The following MCF2 variants were observed in gnomAD, a reference collection of about 807,000 sequenced individuals.
MCF2 encodes MCF.2 cell line derived transforming sequence, also known as proto-oncogene DBL.
A neutral mutation model predicts 82.5 loss-of-function variants in MCF2; 44 were observed. The ratio of observed to expected loss-of-function variants is 0.53; its 90% CI spans 0.42 to 0.69. The LOEUF (loss-of-function observed/expected upper bound fraction) is 0.69. Among genes scored for constraint, MCF2 ranks in the 30% least tolerant of loss-of-function variants. The pLI is 0.00. For missense variants in MCF2, 623 were observed against 663.1 expected (o/e 0.94, Z 0.66); for synonymous variants, 217 against 224.9 (o/e 0.96, Z 0.32).
chrX:139,651,456 G>A (rs1379100463), intron 2 of MCF2, among the ~76,000 whole-genome samples: 1 of 111,150 alleles, frequency 9.0e-6, no homozygotes, highest in East Asian at 2.8e-4. Flanking sequence ...CTGAAGACTC[G>A]TCTGAAAGTC....
chrX:139,625,150 A>C (rs1366947906), intron 6 of MCF2, among the ~76,000 whole-genome samples: 1 of 111,616 alleles, frequency 9.0e-6, no homozygotes, highest in East Asian at 2.8e-4. Context: ...GTGAGATTAT[A>C]ATCTAAGACA....
chrX:139,672,317 G>T (rs1384124232), intron 1 of MCF2, among the ~76,000 whole-genome samples: 1 of 112,121 alleles, frequency 8.9e-6, no homozygotes, highest in East Asian at 2.8e-4. Flanking sequence ...TCTTTCTCTT[G>T]CCTGATTGCC....
intron 1 of MCF2, among the ~76,000 whole-genome samples, chrX:139,665,030 G>C (rs968386011): frequency 6.3e-5 from 7 of 111,200 alleles, no homozygotes; most frequent in African/African-American, 2.3e-4. Flanking sequence ...TCCTTCTGTG[G>C]CTGAGTTGTT....
intron 2 of MCF2, 70 bp downstream of exon 5, chrX:139,632,265 A>G: frequency 1.2e-6 from 1 of 866,521 alleles, no homozygotes. Flanking sequence ...GCACATGTAA[A>G]ATATAAACAG....
chrX:139,647,258 G>A (rs142570994), upstream of MCF2, among the ~76,000 whole-genome samples: 462 of 111,937 alleles, frequency 4.1e-3, 1 homozygote, highest in African/African-American at 0.014. Context: ...AATTTAAAAT[G>A]AGTGAATGAT....
chrX:139,582,549 C>T (rs778134492), intron 24 of MCF2, 46 bp from the exon 29 acceptor site: 44 of 1,001,673 alleles, frequency 4.4e-5, no homozygotes, highest in Non-Finnish European at 5.3e-5. Flanking sequence ...ACAACTTGAC[C>T]AAGTGAAGCC....
chrX:139,613,549 C>T (rs973618114), intron 10 of MCF2, among the ~76,000 whole-genome samples: 5 of 110,941 alleles, frequency 4.5e-5, no homozygotes, highest in Non-Finnish European at 7.6e-5. Context: ...TTACAATAAC[C>T]TGTTGGAGTC....
At chrX:139,659,092 A>T (rs1470317039) in intron 1 of MCF2, among the ~76,000 whole-genome samples, 1 of 111,112 alleles carries the variant, frequency 9.0e-6, no homozygotes, top group Non-Finnish European at 1.9e-5. Flanking sequence ...GATGGAGACT[A>T]TCCTGGCCAA....
intron 1 of MCF2, among the ~76,000 whole-genome samples, chrX:139,704,521 C>T (rs1451129087): frequency 9.0e-6 from 1 of 111,338 alleles, no homozygotes; most frequent in Non-Finnish European, 1.9e-5. Context: ...ACACAGTCCC[C>T]AAAATCTCAA....
At chrX:139,616,400 T>C (rs772574390) in exon 9 of MCF2, 4 of 1,187,095 alleles carry the variant, frequency 3.4e-6, no homozygotes, top group Non-Finnish European at 4.5e-6. Context: ...TTTCTGAGCA[T>C]CTTCTTTAGA....
At chrX:139,642,468 C>A (rs746578549) in exon 1 of MCF2, 2 of 1,211,373 alleles carry the variant, frequency 1.7e-6, no homozygotes, top group South Asian at 1.8e-5. Context: ...GAGCCCTTAC[C>A]GCATTCCTTC....
chrX:139,680,083 T>C (rs1168996849), intron 1 of MCF2, among the ~76,000 whole-genome samples: 2 of 111,333 alleles, frequency 1.8e-5, no homozygotes, highest in Non-Finnish European at 3.8e-5. Flanking sequence ...AAATGGAGGG[T>C]TTTAAAACTT....
chrX:139,647,751 C>T (rs1373653732), upstream of MCF2, among the ~76,000 whole-genome samples: 1 of 111,707 alleles, frequency 9.0e-6, no homozygotes, highest in Admixed American at 9.5e-5. Flanking sequence ...CGTTTCTCCA[C>T]CCAGCCCAAT....
At chrX:139,622,007 C>T (rs1156465784) in intron 6 of MCF2, among the ~76,000 whole-genome samples, 1 of 110,948 alleles carries the variant, frequency 9.0e-6, no homozygotes, top group South Asian at 3.8e-4. Context: ...ATCCAGAATC[C>T]ACAATGAACT....
chrX:139,606,033 A>C (rs753498419), intron 12 of MCF2, among the ~76,000 whole-genome samples: 2 of 104,345 alleles, frequency 1.9e-5, no homozygotes, highest in South Asian at 8.4e-4. Context: ...ATATATATAT[A>C]TCCCGCTTTC....
intron 9 of MCF2, 27 bp from the exon 13 acceptor site, chrX:139,615,079 A>T: frequency 8.8e-7 from 1 of 1,140,665 alleles, no homozygotes; most frequent in South Asian, 1.9e-5. Context: ...AATTATAGGA[A>T]ATATTTTATG....
intron 6 of MCF2, among the ~76,000 whole-genome samples, chrX:139,621,558 A>C (rs893292564): frequency 1.8e-5 from 2 of 111,395 alleles, no homozygotes; most frequent in Admixed American, 9.6e-5. Context: ...AGAACAGAGC[A>C]CTCAGAAATA....
intron 7 of MCF2, among the ~76,000 whole-genome samples, chrX:139,619,042 C>T (rs1292833192): frequency 9.0e-6 from 1 of 111,289 alleles, no homozygotes; most frequent in African/African-American, 3.3e-5. Context: ...ATGTGAGTCT[C>T]CATTTGGTTA....
At chrX:139,607,395 A>G (rs1486801567) in intron 12 of MCF2, 1 of 146,897 alleles carries the variant, frequency 6.8e-6, no homozygotes, top group African/African-American at 3.1e-5. Flanking sequence ...TACAATGATT[A>G]TGTGTCAATG....
Sources: allele counts gnomAD v4.1 joint callset (sites outside exome capture counted in the v4.1 genomes callset), GRCh38; gene constraint gnomAD v4.1.1; transcripts MANE v1.5; gene names NCBI Gene and HGNC (gene_info 2026-07-23, HGNC 2026-07-21).